FAR2: variants seen among roughly 807,000 people sequenced by gnomAD.
FAR2 encodes the protein fatty acyl-CoA reductase 2, also known as epididymis secretory protein Li 81.
Under a neutral mutation model 56.0 loss-of-function variants are expected in FAR2, and 19 were observed. The ratio of observed to expected loss-of-function variants is 0.34; its 90% CI spans 0.24 to 0.50. The LOEUF is 0.50. FAR2 is among the 20% of genes least tolerant of loss of function. The probability of loss-of-function intolerance (pLI) is 0.98; values close to 1 mark genes in which losing one functional copy is unlikely to be tolerated. For missense variants in FAR2, 508 were observed against 642.2 expected (o/e 0.79, Z 2.26); for synonymous variants, 219 against 218.8 (o/e 1.00, Z -0.01).
intron 2 of FAR2, among the ~76,000 whole-genome samples, chr12:29,276,893 G>T (rs1948709926): frequency 1.3e-5 from 2 of 151,200 alleles, no homozygotes; most frequent in East Asian, 3.9e-4. Flanking sequence ...ATATATGTGT[G>T]TGTATGTGCC....
chr12:29,253,207 G>GATATATCGATATCTA (rs1565489252), intron 1 of FAR2, among the ~76,000 whole-genome samples: 12 of 84,046 alleles, frequency 1.4e-4, no homozygotes, highest in East Asian at 9.3e-4. Context: ...ATCTAGATAG[G>GATATATCGATATCTA]TATCTATATA....
chr12:29,213,689 CAAAA>C (rs34410137), intron 1 of FAR2, among the ~76,000 whole-genome samples: 6 of 130,736 alleles, frequency 4.6e-5, no homozygotes, highest in Non-Finnish European at 9.6e-5. Flanking sequence ...GACTCTGTCT[CAAAA>C]AAAAAAAAAA....
chr12:29,251,777 C>T (rs546198495), intron 1 of FAR2, among the ~76,000 whole-genome samples: 21 of 152,228 alleles, frequency 1.4e-4, no homozygotes, highest in African/African-American at 4.1e-4. Flanking sequence ...ACCACCATCA[C>T]GGATTGTGCA....
intron 1 of FAR2, among the ~76,000 whole-genome samples, chr12:29,162,104 AC>A (rs2136578638): frequency 6.6e-6 from 1 of 152,280 alleles, no homozygotes; most frequent in East Asian, 1.9e-4. Flanking sequence ...CTTTTAATGA[AC>A]ACAAATTCTT....
At chr12:29,246,510 T>A (rs1220742386) in intron 1 of FAR2, among the ~76,000 whole-genome samples, 6 of 152,100 alleles carry the variant, frequency 3.9e-5, no homozygotes, top group Non-Finnish European at 7.4e-5. Flanking sequence ...CAAAAGGAAA[T>A]CAAAATTCAC....
At chr12:29,264,563 T>C (rs1421012848) in intron 1 of FAR2, among the ~76,000 whole-genome samples, 1 of 151,368 alleles carries the variant, frequency 6.6e-6, no homozygotes, top group Non-Finnish European at 1.5e-5. Context: ...TTGCTTGACC[T>C]CAGCAGTTTG....
intron 1 of FAR2, among the ~76,000 whole-genome samples, chr12:29,217,765 AAAAT>A (rs1947639679): frequency 6.6e-6 from 1 of 152,228 alleles, no homozygotes; most frequent in African/African-American, 2.4e-5. Flanking sequence ...GTTCCAGCAT[AAAAT>A]AAATAATTAT....
At chr12:29,288,378 G>A (rs1049092631) in intron 2 of FAR2, among the ~76,000 whole-genome samples, 1 of 152,158 alleles carries the variant, frequency 6.6e-6, no homozygotes, top group Admixed American at 6.5e-5. Flanking sequence ...GCAATGAGAA[G>A]AAACAGGATA....
chr12:29,323,955 A>C (rs1395585560), intron 10 of FAR2, among the ~76,000 whole-genome samples: 2 of 152,200 alleles, frequency 1.3e-5, no homozygotes. Context: ...CTCTGAGCTA[A>C]AGGAGGAAGT....
rs1565529528 is a variant in FAR2, at chr12:29,332,611, T to C, written c.1269T>C (p.Phe423=). ...LSPEDQRVFN[F]DVRQLNWLEY... is the part of the protein sequence containing the mutation. Reference sequence around the variant, plus strand: ...CTCTTGCCTCTCAGGTATTCAACTTTGACGTGCGCCAGTTGAACTGGTTGG... The same window carrying C: ...CTCTTGCCTCTCAGGTATTCAACTTCGACGTGCGCCAGTTGAACTGGTTGG... Residue 423 remains phenylalanine, a synonymous_variant, in exon 11 of 12, where the codon TTT becomes TTC. Transcript: ENST00000536681. 5 of 1,613,716 alleles carry C rather than the reference T, an allele frequency of 3.1e-6. No homozygotes were observed. The highest frequency in any genetic ancestry group is 1.7e-4 in the Middle Eastern group (1 of 6,056).
At chr12:29,152,215 A>G (rs1561132) in intron 1 of FAR2, among the ~76,000 whole-genome samples, 117,649 of 152,182 alleles carry the variant, frequency 0.77, 46,556 homozygotes, top group East Asian at 0.92. Context: ...TGAGCCAATG[A>G]CTGAAATTTT....
intron 1 of FAR2, among the ~76,000 whole-genome samples, chr12:29,204,323 T>C (rs1947454374): frequency 6.6e-6 from 1 of 152,046 alleles, no homozygotes; most frequent in Non-Finnish European, 1.5e-5. Flanking sequence ...GGGATGATAT[T>C]CTAATGGGGT....
chr12:29,274,218 G>C (rs36126531), intron 2 of FAR2, among the ~76,000 whole-genome samples: 1 of 105,362 alleles, frequency 9.5e-6, no homozygotes, highest in African/African-American at 4.0e-5. Flanking sequence ...AACAGGCCCC[G>C]GTATGTGATG....
chr12:29,311,969 T>C lies in FAR2; in HGVS notation c.955+19T>C, dbSNP rs1181182340. The C allele has an allele frequency of 1.3e-6, 2 of 1,572,120 alleles. No individual in the cohort carries two copies. Among genetic ancestry groups the C allele is most frequent in the African/African-American group, 1.4e-5 (1 of 73,950 alleles). On this transcript the variant is annotated intron_variant, in intron 8 of 11. Transcript: ENST00000536681. ...AAAATGGGTAAGTACTTTAGCTATG[T>C]AACTCTATAATTACTAGTGTCTGGC...
intron 1 of FAR2, among the ~76,000 whole-genome samples, chr12:29,158,184 T>TA (rs559342928): frequency 6.6e-6 from 1 of 152,172 alleles, no homozygotes; most frequent in Admixed American, 6.6e-5. Flanking sequence ...TAATAATAAG[T>TA]AAAAAAACCA....
At chr12:29,174,423 C>CTTTTTTTT (rs55827253) in intron 1 of FAR2, among the ~76,000 whole-genome samples, 20 of 55,432 alleles carry the variant, frequency 3.6e-4, no homozygotes, top group East Asian at 6.9e-4. Context: ...GGTTTTTATT[C>CTTTTTTTT]TTTTTTTTTT....
intron 1 of FAR2, among the ~76,000 whole-genome samples, chr12:29,164,017 A>T (rs1666765130): frequency 6.6e-6 from 1 of 152,208 alleles, no homozygotes. Context: ...GCAATTTCAT[A>T]TGGTTTGACC....
chr12:29,211,440 T>A (rs1480981853), intron 1 of FAR2, among the ~76,000 whole-genome samples: 1 of 152,218 alleles, frequency 6.6e-6, no homozygotes, highest in African/African-American at 2.4e-5. Flanking sequence ...ATTTGACCGA[T>A]CATAATGTTG....
chr12:29,286,430 G>A (rs1416845649), intron 2 of FAR2, among the ~76,000 whole-genome samples: 2 of 152,194 alleles, frequency 1.3e-5, no homozygotes, highest in African/African-American at 4.8e-5. Context: ...ATATCATGAG[G>A]AAAGTGAAAC....
Sources: allele counts gnomAD v4.1 joint callset (sites outside exome capture counted in the v4.1 genomes callset), GRCh38; gene constraint gnomAD v4.1.1; transcripts MANE v1.5; gene names NCBI Gene and HGNC (gene_info 2026-07-23, HGNC 2026-07-21).